TNS1: variants seen among roughly 807,000 people sequenced by gnomAD.
TNS1 encodes tensin 1, also known as tensin-1.
Under a neutral mutation model 168.6 loss-of-function variants are expected in TNS1, and 62 were observed. That is an observed-to-expected ratio of 0.37 (90% CI 0.30 to 0.45). TNS1 has a LOEUF of 0.45. Ranked by LOEUF, TNS1 falls within the 20% of genes least tolerant of loss-of-function variation. The probability of loss-of-function intolerance (pLI) is 1.00; values close to 1 mark genes in which losing one functional copy is unlikely to be tolerated. For synonymous variants in TNS1, 934 were observed against 933.2 expected, an observed-to-expected ratio of 1.00 and a Z score of -0.02; for missense variants, 2,240 against 2,339.4, an observed-to-expected ratio of 0.96 and a Z score of 0.88.
chr2:218,014,320 T>TA, upstream of TNS1, among the ~76,000 whole-genome samples: 1 of 152,248 alleles, frequency 6.6e-6, no homozygotes, highest in African/African-American at 2.4e-5. Context: ...GCTGGAGAGA[T>TA]AGAGTTTCAC....
At chr2:218,002,814 G>A (rs781417379) in intron 1 of TNS1, 26 bp downstream of exon 1, 6 of 456,520 alleles carry the variant, frequency 1.3e-5, no homozygotes, top group South Asian at 3.1e-5. Context: ...GAAGAGTAAC[G>A]TCGCAGCTAA....
intron 2 of TNS1, among the ~76,000 whole-genome samples, chr2:217,988,659 A>G (rs1559402553): frequency 1.3e-5 from 2 of 152,096 alleles, no homozygotes; most frequent in African/African-American, 2.4e-5. Context: ...CTCCAACCCT[A>G]AACTGCCCGC....
At chr2:217,971,755 C>G (rs1399787943) in intron 3 of TNS1, among the ~76,000 whole-genome samples, 1 of 152,212 alleles carries the variant, frequency 6.6e-6, no homozygotes, top group East Asian at 1.9e-4. Context: ...TAAATCAGAA[C>G]CTCCAGGGAG....
chr2:217,990,546 T>C (rs113967359), intron 2 of TNS1, among the ~76,000 whole-genome samples: 5,005 of 148,022 alleles, frequency 0.034, 263 homozygotes, highest in African/African-American at 0.12. Flanking sequence ...ATCGTCAACA[T>C]GCATCATCCA....
intron 18 of TNS1, among the ~76,000 whole-genome samples, chr2:217,863,856 G>A (rs1045223879): frequency 6.6e-6 from 1 of 152,118 alleles, no homozygotes; most frequent in Non-Finnish European, 1.5e-5. Context: ...GGAAGGGCCC[G>A]CTGCCTGGGG....
intron 4 of TNS1, among the ~76,000 whole-genome samples, chr2:217,915,889 C>T (rs1279911907): frequency 6.6e-6 from 1 of 152,182 alleles, no homozygotes; most frequent in Non-Finnish European, 1.5e-5. Flanking sequence ...AATGGCCCCA[C>T]GTCATGGAAA....
upstream of TNS1, among the ~76,000 whole-genome samples, chr2:218,004,491 G>A (rs1958636498): frequency 6.6e-6 from 1 of 152,096 alleles, no homozygotes; most frequent in South Asian, 2.1e-4. Flanking sequence ...CCAGCCCAGG[G>A]ACCACCCAAG....
chr2:217,822,837 A>G (rs1943079777), intron 22 of TNS1, among the ~76,000 whole-genome samples: 2 of 152,122 alleles, frequency 1.3e-5, no homozygotes, highest in Admixed American at 1.3e-4. Flanking sequence ...CCAGCTCCCA[A>G]ACGAACTCCG....
At chr2:217,807,152 G>A (rs1442513711) in intron 32 of TNS1, among the ~76,000 whole-genome samples, 1 of 152,162 alleles carries the variant, frequency 6.6e-6, no homozygotes, top group Non-Finnish European at 1.5e-5. Flanking sequence ...ATATATAAAG[G>A]TGAAAGCAGT....
At chr2:218,018,753 G>A (rs902330626) in intron 1 of TNS1, among the ~76,000 whole-genome samples, 1 of 152,204 alleles carries the variant, frequency 6.6e-6, no homozygotes, top group African/African-American at 2.4e-5. Context: ...TCTTTGTGAA[G>A]CCAAAGGAAG....
intron 18 of TNS1, among the ~76,000 whole-genome samples, chr2:217,873,464 G>A (rs1294428165): frequency 6.6e-6 from 1 of 152,194 alleles, no homozygotes; most frequent in Non-Finnish European, 1.5e-5. Flanking sequence ...GGGCCTAACT[G>A]TGCTGTGGGA....
rs1950591260 is a variant in TNS1 at position 217,880,634 on chromosome 2, TTG to T, written c.1429+262_1429+263del. ...AGAACTCACTGTCCACGGAACTTAC[TTG>T]GCTGTAGCAACACACTTCCACGATA... On this transcript the variant is annotated intron_variant, in intron 18 of 32. Transcript: ENST00000682258. This position sits in a 1 kb window ranked among gnomAD's most constrained non-coding sequence, Gnocchi z 4.2. 6.6e-6 allele frequency among the ~76,000 whole-genome samples: 1 copy of T among 152,248 alleles called. No homozygotes were observed. Among genetic ancestry groups the T allele is most frequent in the Admixed American group, 6.5e-5 (1 of 15,286 alleles).
intron 3 of TNS1, among the ~76,000 whole-genome samples, chr2:217,975,755 G>A (rs555170488): frequency 5.9e-5 from 9 of 152,242 alleles, no homozygotes; most frequent in East Asian, 3.9e-4. Flanking sequence ...ATGGCTCAGC[G>A]AGGCTCCAGC....
At position 217,818,443 on chromosome 2, in the gene TNS1, G is replaced by A; in HGVS notation, c.3889C>T (p.Pro1297Ser). Residue 1297 changes from proline to serine, a missense_variant, in exon 24 of 33, where the codon CCT (proline) becomes TCT (serine). Transcript: ENST00000682258. ...RTVGTNTPPS[P>S]GFGWRAINPS... ...TTGATGGCCCGCCAGCCGAAGCCAG[G>A]ACTAGGGGGAGTGTTGGTGCCCACT... 1 of 1,614,148 alleles carries A rather than the reference G, an allele frequency of 6.2e-7. No homozygotes were observed. Among genetic ancestry groups the A allele is most frequent in the East Asian group, 2.2e-5 (1 of 44,886 alleles).
chr2:217,892,848 T>C (rs1239996853), intron 11 of TNS1, 100 bp downstream of exon 11: 6 of 1,337,868 alleles, frequency 4.5e-6, no homozygotes, highest in Non-Finnish European at 5.3e-6. Context: ...CCTCTGTGCG[T>C]ATCCCCTCAC....
chr2:217,979,009 A>C, intron 2 of TNS1: 4 of 371,890 alleles, frequency 1.1e-5, no homozygotes, highest in East Asian at 4.9e-5. Flanking sequence ...GGGACTGAGG[A>C]CCCGCGGCCG....
intron 32 of TNS1, among the ~76,000 whole-genome samples, chr2:217,807,005 G>T (rs543106616): frequency 6.6e-6 from 1 of 152,174 alleles, no homozygotes; most frequent in Non-Finnish European, 1.5e-5. Flanking sequence ...CCACCTCTCT[G>T]AGGTGCTGAT....
intron 18 of TNS1, among the ~76,000 whole-genome samples, chr2:217,865,113 G>C (rs976531785): frequency 6.6e-6 from 1 of 152,160 alleles, no homozygotes; most frequent in Admixed American, 6.5e-5. Context: ...GGGTCCATGT[G>C]GTTCCATGTG....
At chr2:218,006,368 C>T (rs562582301), upstream of TNS1, among the ~76,000 whole-genome samples, 10 of 152,370 alleles carry the variant, frequency 6.6e-5, no homozygotes, top group Admixed American at 3.9e-4. Context: ...CCACCTTCTG[C>T]GATGACACGA....
Sources: allele counts gnomAD v4.1 joint callset (sites outside exome capture counted in the v4.1 genomes callset), GRCh38; gene constraint gnomAD v4.1.1; non-coding constraint Gnocchi (gnomAD v3.1); transcripts MANE v1.5; gene names NCBI Gene and HGNC (gene_info 2026-07-23, HGNC 2026-07-21).